Variants in FBXO47 observed in about 807,000 individuals in gnomAD.
FBXO47 encodes F-box only protein 47.
Under a neutral mutation model 53.9 loss-of-function variants are expected in FBXO47, and 34 were observed. That is an observed-to-expected ratio of 0.63 (90% CI 0.48 to 0.84). The LOEUF is 0.84. Among genes scored for constraint, FBXO47 ranks in the 40% least tolerant of loss-of-function variants. FBXO47 has a pLI of 0.00. For missense variants in FBXO47, 485 were observed against 541.3 expected, an observed-to-expected ratio of 0.90 and a Z score of 1.03; for synonymous variants, 165 against 181.6, an observed-to-expected ratio of 0.91 and a Z score of 0.73.
chr17:38,941,620 T>TAATATA (rs372467875), intron 9 of FBXO47, among the ~76,000 whole-genome samples: 4 of 115,198 alleles, frequency 3.5e-5, no homozygotes, highest in African/African-American at 9.2e-5. Context: ...AAATATAATA[T>TAATATA]TATATATATA....
At chr17:38,944,498 C>T (rs974868427) in intron 7 of FBXO47, among the ~76,000 whole-genome samples, 7 of 151,510 alleles carry the variant, frequency 4.6e-5, no homozygotes, top group African/African-American at 1.7e-4. Context: ...GTCAGGAGAT[C>T]GAGACCATTC....
chr17:38,957,691 G>A (rs1905618451), intron 3 of FBXO47, among the ~76,000 whole-genome samples: 1 of 144,204 alleles, frequency 6.9e-6, no homozygotes, highest in Non-Finnish European at 1.5e-5. Context: ...TGAGAAAACT[G>A]ATTTTTCTTT....
intron 9 of FBXO47, among the ~76,000 whole-genome samples, chr17:38,939,506 C>T (rs890859077): frequency 6.7e-6 from 1 of 149,210 alleles, no homozygotes; most frequent in Non-Finnish European, 1.5e-5. Context: ...GACAAATGGG[C>T]AATTTCAATA....
chr17:38,944,320 G>C (rs190152743), intron 7 of FBXO47, among the ~76,000 whole-genome samples: 1 of 151,662 alleles, frequency 6.6e-6, no homozygotes. Flanking sequence ...GAGCCCAAGA[G>C]GTTGAGAGCA....
chr17:38,960,738 T>C (rs1342819395), intron 3 of FBXO47, among the ~76,000 whole-genome samples: 2 of 151,486 alleles, frequency 1.3e-5, no homozygotes, highest in African/African-American at 2.4e-5. Flanking sequence ...TTCAAGCAAT[T>C]CTCCTGCCTC....
At chr17:38,960,354 A>C (rs1281989173) in intron 3 of FBXO47, among the ~76,000 whole-genome samples, 1 of 152,174 alleles carries the variant, frequency 6.6e-6, no homozygotes, top group Non-Finnish European at 1.5e-5. Flanking sequence ...TACTTAAAGA[A>C]TTAGTCATAA....
intron 9 of FBXO47, among the ~76,000 whole-genome samples, chr17:38,941,101 C>A (rs1022795934): frequency 2.6e-5 from 4 of 151,862 alleles, no homozygotes; most frequent in Non-Finnish European, 5.9e-5. Context: ...CTTCCCACTT[C>A]AGCTCCTGAG....
intron 9 of FBXO47, among the ~76,000 whole-genome samples, chr17:38,939,654 T>TTC (rs1738974149): frequency 1.2e-5 from 1 of 85,252 alleles, no homozygotes; most frequent in Non-Finnish European, 2.6e-5. Flanking sequence ...AAAGGTTTCT[T>TTC]TTTTTTTTTT....
At chr17:38,963,942 A>T (rs1027242925) in intron 1 of FBXO47, among the ~76,000 whole-genome samples, 1 of 150,664 alleles carries the variant, frequency 6.6e-6, no homozygotes, top group Non-Finnish European at 1.5e-5. Flanking sequence ...GACTACAGGC[A>T]CAGAGCCACC....
chr17:38,951,757 A>AGCCACCATGCC, intron 5 of FBXO47, 68 bp from the exon 6 acceptor site: 1 of 1,197,456 alleles, frequency 8.4e-7, no homozygotes, highest in Non-Finnish European at 1.2e-6. Flanking sequence ...CACACCAGGC[A>AGCCACCATGCC]TGGTGGCTCA....
chr17:38,958,832 T>C (rs1905680560), intron 3 of FBXO47, among the ~76,000 whole-genome samples: 1 of 152,148 alleles, frequency 6.6e-6, no homozygotes, highest in Non-Finnish European at 1.5e-5. Context: ...TTTATTTTTG[T>C]ATATAAAAAG....
intron 5 of FBXO47, among the ~76,000 whole-genome samples, chr17:38,953,168 A>AC (rs1567719883): frequency 1.3e-3 from 151 of 112,904 alleles, no homozygotes; most frequent in African/African-American, 5.6e-3. Context: ...CACACACACA[A>AC]AATAGCTAGG....
chr17:38,942,535 G>A (rs777000712), intron 9 of FBXO47, among the ~76,000 whole-genome samples: 8 of 151,996 alleles, frequency 5.3e-5, no homozygotes, highest in Non-Finnish European at 4.4e-5. Flanking sequence ...TGGAAGTTGC[G>A]GTGAGCCGAG....
intron 2 of FBXO47, among the ~76,000 whole-genome samples, chr17:38,962,370 C>G (rs904372196): frequency 6.6e-6 from 1 of 152,142 alleles, no homozygotes; most frequent in Non-Finnish European, 1.5e-5. Flanking sequence ...AATCCCAGTA[C>G]TTTGGGAGGC....
chr17:38,946,999 C>CATATAT (rs1904957540), intron 6 of FBXO47, among the ~76,000 whole-genome samples: 27 of 118,540 alleles, frequency 2.3e-4, no homozygotes, highest in African/African-American at 8.0e-4. Context: ...TAAACATATA[C>CATATAT]AAATATATGT....
chr17:38,955,164 G>C (rs1467503849), intron 4 of FBXO47, among the ~76,000 whole-genome samples: 2 of 152,128 alleles, frequency 1.3e-5, no homozygotes, highest in Non-Finnish European at 2.9e-5. Context: ...GAGGTGGGCA[G>C]ATCACGAGGT....
chr17:38,945,025 G>T lies in FBXO47; in HGVS notation c.728C>A (p.Pro243Gln), dbSNP rs367954804. Reference protein sequence around the residue: ...SAFWLTRILKPWPMVNQARLL... With the variant: ...SAFWLTRILKQWPMVNQARLL... Reference sequence around the variant, plus strand: ...TCTTGCCTGATTCACCATTGGCCATGGTTTTAATATTCGCGTCAACCAAAA... The same window carrying T: ...TCTTGCCTGATTCACCATTGGCCATTGTTTTAATATTCGCGTCAACCAAAA... Residue 243 changes from proline (P) to glutamine (Q), a missense_variant, in exon 7 of 11, where the codon CCA becomes CAA. Coordinates refer to ENST00000378079, the MANE Select transcript of FBXO47 (RefSeq NM_001008777.3). 1 of 1,613,968 alleles carries T rather than the reference G, an allele frequency of 6.2e-7. No homozygotes were observed. The highest frequency in any genetic ancestry group is 1.3e-5 in the African/African-American group (1 of 74,914).
intron 1 of FBXO47, among the ~76,000 whole-genome samples, chr17:38,966,906 C>T (rs1007024413): frequency 6.6e-6 from 1 of 152,040 alleles, no homozygotes; most frequent in South Asian, 2.1e-4. Flanking sequence ...ATGTTTCATG[C>T]CCCCTGTTCT....
At chr17:38,944,925 C>T in intron 7 of FBXO47, 35 bp downstream of exon 7, 1 of 1,559,108 alleles carries the variant, frequency 6.4e-7, no homozygotes, top group East Asian at 2.3e-5. Context: ...AATAATGAAC[C>T]AGTTATGTTA....
Sources: gnomAD v4.1 joint callset for allele counts (sites outside exome capture counted in the v4.1 genomes callset) on GRCh38, gnomAD v4.1.1 for gene constraint, MANE v1.5 for transcripts, NCBI Gene and HGNC (gene_info 2026-07-23, HGNC 2026-07-21) for gene names.